Variants in KCNN3 observed in about 807,000 individuals in gnomAD.
The protein encoded by KCNN3 is potassium calcium-activated channel subfamily N member 3.
In KCNN3, 16 loss-of-function variants were observed where a neutral mutation model predicts 62.9. The ratio of observed to expected loss-of-function variants is 0.25; its 90% CI spans 0.17 to 0.39. The LOEUF is 0.39. Ranked by LOEUF, KCNN3 falls within the 10% of genes least tolerant of loss-of-function variation. KCNN3 has a pLI of 1.00. For missense variants in KCNN3, 599 were observed against 949.4 expected (o/e 0.63, Z 4.85); for synonymous variants, 370 against 389.2 (o/e 0.95, Z 0.58).
At chr1:154,795,262 G>GC (rs1362684662) in intron 2 of KCNN3, among the ~76,000 whole-genome samples, 4 of 152,218 alleles carry the variant, frequency 2.6e-5, no homozygotes, top group Admixed American at 2.6e-4. Context: ...AATCTGGGAA[G>GC]CCAAGTCCCT....
intron 1 of KCNN3, among the ~76,000 whole-genome samples, chr1:154,827,798 C>CAATAAT (rs199899540): frequency 1.3e-5 from 2 of 151,602 alleles, no homozygotes; most frequent in African/African-American, 2.4e-5. Context: ...GACTCTGTCT[C>CAATAAT]AATAATAATA....
At chr1:154,726,536 C>T (rs371135316) in intron 4 of KCNN3, among the ~76,000 whole-genome samples, 24 of 152,202 alleles carry the variant, frequency 1.6e-4, no homozygotes, top group African/African-American at 5.8e-4. Context: ...TGAAAATAAT[C>T]GAATGAAGAG....
intron 3 of KCNN3, among the ~76,000 whole-genome samples, chr1:154,739,279 T>G (rs915724812): frequency 6.6e-6 from 1 of 152,142 alleles, no homozygotes; most frequent in Admixed American, 6.5e-5. Context: ...CAAAACTACA[T>G]GCAACATTAA....
chr1:154,809,171 G>A lies in KCNN3; in HGVS notation c.1029+12918C>T, dbSNP rs1200378009. Among the ~76,000 whole-genome samples, 3 of 152,160 alleles carry A rather than the reference G, an allele frequency of 2.0e-5. No individual in the cohort carries two copies. Among genetic ancestry groups the A allele is most frequent in the African/African-American group, 7.2e-5 (3 of 41,422 alleles). On this transcript the variant is annotated intron_variant, in intron 2 of 7. Coordinates refer to ENST00000271915, the MANE Select transcript of KCNN3 (RefSeq NM_002249.6). This position sits in a 1 kb window ranked among gnomAD's most constrained non-coding sequence, Gnocchi z 4.3. ...TCCTGTGACACAACGTGATCTCACCGAGTGACCAGGTGTACGGCTTCACCC... is the reference window on the plus strand; with the variant it reads ...TCCTGTGACACAACGTGATCTCACCAAGTGACCAGGTGTACGGCTTCACCC...
chr1:154,712,968 C>A (rs548853711), intron 7 of KCNN3, among the ~76,000 whole-genome samples: 39 of 152,248 alleles, frequency 2.6e-4, no homozygotes, highest in African/African-American at 8.7e-4. Context: ...ATGCACCCCC[C>A]CACACACACC....
At chr1:154,791,662 T>C (rs941515768) in intron 2 of KCNN3, among the ~76,000 whole-genome samples, 4 of 152,224 alleles carry the variant, frequency 2.6e-5, no homozygotes, top group Non-Finnish European at 5.9e-5. Flanking sequence ...GGCCCCGATG[T>C]TAATTTTAGA....
At chr1:154,722,144 G>A (rs2101776510) in intron 5 of KCNN3, among the ~76,000 whole-genome samples, 1 of 152,272 alleles carries the variant, frequency 6.6e-6, no homozygotes, top group East Asian at 1.9e-4. Context: ...GAGCAAGACA[G>A]GATGAATAAA....
intron 3 of KCNN3, among the ~76,000 whole-genome samples, chr1:154,768,251 T>C (rs1432040378): frequency 6.6e-6 from 1 of 152,248 alleles, no homozygotes; most frequent in Non-Finnish European, 1.5e-5. Flanking sequence ...CTGTCCAGTC[T>C]CTGGCTGAAT....
At chr1:154,840,579 G>T (rs891548006) in intron 1 of KCNN3, among the ~76,000 whole-genome samples, 1 of 152,202 alleles carries the variant, frequency 6.6e-6, no homozygotes, top group Admixed American at 6.5e-5. Flanking sequence ...GGGAGCAACT[G>T]CCTGCAGAGA....
intron 2 of KCNN3, among the ~76,000 whole-genome samples, chr1:154,813,543 G>A (rs1250071527): frequency 6.6e-6 from 1 of 152,108 alleles, no homozygotes; most frequent in African/African-American, 2.4e-5. Flanking sequence ...TCCTGCCAGG[G>A]TTCAAGGGCA....
At chr1:154,716,851 G>A (rs920195123) in intron 5 of KCNN3, among the ~76,000 whole-genome samples, 1 of 152,140 alleles carries the variant, frequency 6.6e-6, no homozygotes, top group Non-Finnish European at 1.5e-5. Context: ...AAAAAAGGCG[G>A]CACGGAAGGG....
chr1:154,749,506 T>G (rs184191456), intron 3 of KCNN3, among the ~76,000 whole-genome samples: 1 of 152,158 alleles, frequency 6.6e-6, no homozygotes, highest in East Asian at 1.9e-4. Flanking sequence ...AATTTTCTTG[T>G]TTTTGTTTCC....
At chr1:154,742,364 G>A (rs1026454994) in intron 3 of KCNN3, among the ~76,000 whole-genome samples, 4 of 152,210 alleles carry the variant, frequency 2.6e-5, no homozygotes, top group African/African-American at 9.7e-5. Context: ...GAACCTACAG[G>A]TTCCAGGGCC....
At chr1:154,819,305 C>A (rs1483200473) in intron 2 of KCNN3, among the ~76,000 whole-genome samples, 1 of 152,144 alleles carries the variant, frequency 6.6e-6, no homozygotes, top group East Asian at 1.9e-4. Context: ...GACCAAAAAG[C>A]TAAGTCAAGG....
intron 2 of KCNN3, among the ~76,000 whole-genome samples, chr1:154,776,533 C>T (rs1053345529): frequency 1.3e-5 from 2 of 152,108 alleles, no homozygotes; most frequent in Admixed American, 6.6e-5. Flanking sequence ...GGATGTGTCC[C>T]AGAAGATCCC....
chr1:154,738,614 C>T (rs1300673424), intron 3 of KCNN3, among the ~76,000 whole-genome samples: 16 of 152,122 alleles, frequency 1.1e-4, no homozygotes, highest in Admixed American at 7.9e-4. Flanking sequence ...TCACCAGGTG[C>T]GGAGGACAAC....
At chr1:154,759,560 C>T (rs1033094183) in intron 3 of KCNN3, among the ~76,000 whole-genome samples, 1 of 152,174 alleles carries the variant, frequency 6.6e-6, no homozygotes, top group African/African-American at 2.4e-5. Context: ...CTTAGGCATC[C>T]GCTGTAGGAA....
chr1:154,758,058 C>T (rs1557960788), intron 3 of KCNN3, among the ~76,000 whole-genome samples: 1 of 152,192 alleles, frequency 6.6e-6, no homozygotes, highest in Non-Finnish European at 1.5e-5. Context: ...GAACTTCTTT[C>T]GTGCGGACCC....
chr1:154,858,250 C>T (rs1652616094), intron 1 of KCNN3, among the ~76,000 whole-genome samples: 1 of 152,140 alleles, frequency 6.6e-6, no homozygotes. Context: ...CTGTGAGGGA[C>T]CTTGCATGAT....
Sources: gnomAD v4.1 joint callset for allele counts (sites outside exome capture counted in the v4.1 genomes callset) on GRCh38, gnomAD v4.1.1 for gene constraint, Gnocchi (gnomAD v3.1) non-coding constraint, MANE v1.5 for transcripts, NCBI Gene and HGNC (gene_info 2026-07-23, HGNC 2026-07-21) for gene names.